The following PLEKHH2 variants were observed in gnomAD, a reference collection of about 807,000 sequenced individuals.
PLEKHH2 encodes the protein pleckstrin homology, MyTH4 and FERM domain containing H2, also known as pleckstrin homology domain-containing family H member 2.
PLEKHH2 carries 129 observed loss-of-function variants against 187.9 expected under a neutral mutation model. That is an observed-to-expected ratio of 0.69 (90% CI 0.59 to 0.79). The LOEUF (loss-of-function observed/expected upper bound fraction) is 0.79. Ranked by LOEUF, PLEKHH2 falls within the 30% of genes least tolerant of loss-of-function variation. PLEKHH2 has a pLI of 0.00. For synonymous variants in PLEKHH2, 686 were observed against 605.6 expected, an observed-to-expected ratio of 1.13 and a Z score of -1.95; for missense variants, 2,076 against 1,751.2, an observed-to-expected ratio of 1.19 and a Z score of -3.31.
chr2:43,764,439 C>A, intron 29 of PLEKHH2, 74 bp downstream of exon 29: 2 of 1,449,646 alleles, frequency 1.4e-6, no homozygotes, highest in African/African-American at 1.4e-5. Flanking sequence ...GGCCAAAAAG[C>A]AATGCTAATT....
At chr2:43,717,514 A>G (rs931167806) in intron 15 of PLEKHH2, among the ~76,000 whole-genome samples, 1 of 152,200 alleles carries the variant, frequency 6.6e-6, no homozygotes. Flanking sequence ...GGAAGTTGTG[A>G]TCAGAGAATA....
intron 2 of PLEKHH2, among the ~76,000 whole-genome samples, chr2:43,659,519 T>C (rs914473394): frequency 6.6e-6 from 1 of 152,152 alleles, no homozygotes; most frequent in African/African-American, 2.4e-5. Flanking sequence ...GATATTGTTA[T>C]CTGTCTTTCT....
intron 19 of PLEKHH2, among the ~76,000 whole-genome samples, chr2:43,733,225 T>C (rs1671130200): frequency 6.6e-6 from 1 of 152,040 alleles, no homozygotes; most frequent in Non-Finnish European, 1.5e-5. Flanking sequence ...TAGCCGAGTG[T>C]GATGGCATGC....
At chr2:43,678,627 G>T (rs1572538360) in intron 2 of PLEKHH2, among the ~76,000 whole-genome samples, 1 of 152,064 alleles carries the variant, frequency 6.6e-6, no homozygotes, top group East Asian at 1.9e-4. Context: ...GGAGAATCAG[G>T]CAGGGAGGTT....
In PLEKHH2 at chr2:43,702,908, A is replaced by T. The variant is rs929546931; in HGVS notation, c.1651-1073A>T. On this transcript the variant is annotated intron_variant, in intron 8 of 29. Transcript: ENST00000282406. ...GCTCAGCTTGTCCTCCCAGGCCTCC[A>T]GTCCCCTCTCTCTAATTCTACTACT... Among the ~76,000 whole-genome samples the T allele has an allele frequency of 4.6e-5, 7 of 152,068 alleles. No homozygotes were observed. In the East Asian group the frequency reaches 9.6e-4, roughly 21 times the overall value.
chr2:43,699,668 C>A lies in PLEKHH2; in HGVS notation c.710C>A (p.Ser237Tyr). The A allele has an allele frequency of 6.2e-7, 1 of 1,612,076 alleles. No individual in the cohort carries two copies. The highest frequency in any genetic ancestry group is 1.1e-5 in the South Asian group (1 of 90,826). ...CTAGAAATGGAAATTCCAGAAAAGTCTGTTGATAACCAAGTTCTAGAAAAC... is the reference window on the plus strand; with the variant it reads ...CTAGAAATGGAAATTCCAGAAAAGTATGTTGATAACCAAGTTCTAGAAAAC... Reference protein sequence around the residue: ...DMEEMEIPEKSVDNQVLENNR... With the variant: ...DMEEMEIPEKYVDNQVLENNR... Residue 237 changes from serine (S) to tyrosine (Y), a missense_variant, in exon 8 of 30, where the codon TCT becomes TAT. Coordinates refer to ENST00000282406, the MANE Select transcript of PLEKHH2 (RefSeq NM_172069.4).
intron 2 of PLEKHH2, among the ~76,000 whole-genome samples, chr2:43,649,581 C>A (rs1328866401): frequency 6.6e-6 from 1 of 152,200 alleles, no homozygotes; most frequent in African/African-American, 2.4e-5. Context: ...AGTACAATAT[C>A]ATGATTAACC....
chr2:43,660,193 G>C (rs1666996131), intron 2 of PLEKHH2, among the ~76,000 whole-genome samples: 1 of 152,164 alleles, frequency 6.6e-6, no homozygotes, highest in South Asian at 2.1e-4. Context: ...GAGTTCACCA[G>C]TGTTGTCTGT....
At chr2:43,736,244 G>A (rs1000645046) in intron 19 of PLEKHH2, among the ~76,000 whole-genome samples, 2 of 152,086 alleles carry the variant, frequency 1.3e-5, no homozygotes, top group African/African-American at 2.4e-5. Context: ...AAAAACAAAC[G>A]CTTTTATGTG....
At chr2:43,697,910 C>T (rs1669165848) in intron 7 of PLEKHH2, among the ~76,000 whole-genome samples, 1 of 152,030 alleles carries the variant, frequency 6.6e-6, no homozygotes, top group South Asian at 2.1e-4. Context: ...AACCCTGGTC[C>T]TGTATACAGA....
At chr2:43,715,156 A>G (rs148788778) in intron 15 of PLEKHH2, among the ~76,000 whole-genome samples, 1,977 of 152,178 alleles carry the variant, frequency 0.013, 52 homozygotes, top group African/African-American at 0.046. Context: ...GGCACCTGTA[A>G]TCCCAGCTAC....
intron 3 of PLEKHH2, among the ~76,000 whole-genome samples, chr2:43,691,712 G>C (rs1002083140): frequency 1.1e-4 from 16 of 152,100 alleles, no homozygotes; most frequent in South Asian, 2.1e-4. Context: ...TTATATTTGT[G>C]ATCTCTCTTA....
At chr2:43,717,416 TCAAA>T (rs57980394) in intron 15 of PLEKHH2, among the ~76,000 whole-genome samples, 29,371 of 150,694 alleles carry the variant, frequency 0.19, 3,675 homozygotes, top group African/African-American at 0.35. Flanking sequence ...AGACTCCACC[TCAAA>T]CAAACAAACA....
chr2:43,692,492 A>G lies in PLEKHH2; in HGVS notation c.187-22A>G, dbSNP rs1338930115. 6.5e-6 allele frequency: 10 copies of G among 1,529,616 alleles called. No homozygotes were observed. In the East Asian group the frequency reaches 1.8e-4, roughly 28 times the overall value. 94.8% of individuals were successfully genotyped at this position (1,529,616 alleles called of 1,614,324 possible). ...TAACCTGAGTACACACACAATTTTA[A>G]TATTTTATCCTTTGAATTTAGGTAC... On this transcript the variant is annotated intron_variant, in intron 3 of 29. Transcript: ENST00000282406.
chr2:43,678,306 G>T (rs1016403795), intron 2 of PLEKHH2, among the ~76,000 whole-genome samples: 3 of 151,986 alleles, frequency 2.0e-5, no homozygotes, highest in Non-Finnish European at 4.4e-5. Context: ...CCCAGACGGG[G>T]TGGCGGCCGG....
At chr2:43,730,004 G>A (rs546071971) in intron 18 of PLEKHH2, among the ~76,000 whole-genome samples, 6 of 151,888 alleles carry the variant, frequency 4.0e-5, no homozygotes, top group Admixed American at 1.3e-4. Context: ...TGCCCCCTTC[G>A]TTGGCAGTCC....
chr2:43,738,135 A>G (rs894939773), intron 19 of PLEKHH2, among the ~76,000 whole-genome samples: 1 of 152,142 alleles, frequency 6.6e-6, no homozygotes, highest in Non-Finnish European at 1.5e-5. Context: ...GACCCTCTTT[A>G]TCTCTGGCAG....
At chr2:43,759,223 C>T (rs1672334056) in intron 27 of PLEKHH2, among the ~76,000 whole-genome samples, 194 bp downstream of exon 27, 1 of 152,194 alleles carries the variant, frequency 6.6e-6, no homozygotes, top group African/African-American at 2.4e-5. Context: ...CAACTTTTCC[C>T]ACCCTAAATC....
intron 2 of PLEKHH2, among the ~76,000 whole-genome samples, chr2:43,671,102 G>A (rs1335870535): frequency 6.6e-6 from 1 of 151,248 alleles, no homozygotes; most frequent in Non-Finnish European, 1.5e-5. Context: ...TCCTGCCTCT[G>A]CCCCCCACTG....
Sources: allele counts gnomAD v4.1 joint callset (sites outside exome capture counted in the v4.1 genomes callset), GRCh38; gene constraint gnomAD v4.1.1; transcripts MANE v1.5; gene names NCBI Gene and HGNC (gene_info 2026-07-23, HGNC 2026-07-21).